The following MECOM variants were observed in gnomAD, a reference collection of about 807,000 sequenced individuals.
MECOM encodes the protein MDS1 and EVI1 complex locus, also known as histone-lysine N-methyltransferase MECOM.
MECOM carries 13 observed loss-of-function variants against 116.3 expected under a neutral mutation model. The ratio of observed to expected loss-of-function variants is 0.11; its 90% CI spans 0.07 to 0.18. MECOM has a LOEUF of 0.18. Among genes scored for constraint, MECOM ranks in the 10% least tolerant of loss-of-function variants. The probability of loss-of-function intolerance (pLI) is 1.00; values close to 1 mark genes in which losing one functional copy is unlikely to be tolerated. For synonymous variants in MECOM, 528 were observed against 535.2 expected, an observed-to-expected ratio of 0.99 and a Z score of 0.19; for missense variants, 1,299 against 1,509.0, an observed-to-expected ratio of 0.86 and a Z score of 2.31.
chr3:169,388,867 C>T (rs769201868), intron 1 of MECOM, among the ~76,000 whole-genome samples: 3 of 152,104 alleles, frequency 2.0e-5, no homozygotes, highest in Non-Finnish European at 4.4e-5. Context: ...CCATGCTATT[C>T]CATGTCTTCC....
At chr3:169,095,894 G>A (rs974393520) in intron 12 of MECOM, among the ~76,000 whole-genome samples, 1 of 151,982 alleles carries the variant, frequency 6.6e-6, no homozygotes, top group Non-Finnish European at 1.5e-5. Flanking sequence ...TGAAAGCAAA[G>A]GGCTTCCATT....
intron 2 of MECOM, among the ~76,000 whole-genome samples, chr3:169,328,454 G>A (rs1722207409): frequency 1.3e-5 from 2 of 152,152 alleles, no homozygotes; most frequent in South Asian, 4.1e-4. Flanking sequence ...TCCAGAGAAA[G>A]TTTGTTTAGT....
At chr3:169,261,812 G>A (rs1012407609) in intron 2 of MECOM, among the ~76,000 whole-genome samples, 4 of 152,220 alleles carry the variant, frequency 2.6e-5, no homozygotes, top group Admixed American at 1.3e-4. Context: ...TACAGTGCCC[G>A]TGGTCCTAAC....
At chr3:169,456,977 A>G (rs894291328) in intron 1 of MECOM, among the ~76,000 whole-genome samples, 14 of 152,192 alleles carry the variant, frequency 9.2e-5, no homozygotes, top group African/African-American at 3.1e-4. Context: ...GGTCAGTGGC[A>G]GGATGTATAA....
chr3:169,255,814 A>C (rs1371741876), intron 2 of MECOM, among the ~76,000 whole-genome samples: 1 of 152,168 alleles, frequency 6.6e-6, no homozygotes, highest in Non-Finnish European at 1.5e-5. Context: ...CACAATTTCC[A>C]CATCTGCTTT....
chr3:169,097,189 G>A (rs892469364), intron 12 of MECOM, among the ~76,000 whole-genome samples: 3 of 151,886 alleles, frequency 2.0e-5, no homozygotes, highest in African/African-American at 4.8e-5. Context: ...GAGGAAGAGA[G>A]ATTATGTTTC....
chr3:169,567,353 C>G (rs1297488189), intron 1 of MECOM, among the ~76,000 whole-genome samples: 1 of 152,222 alleles, frequency 6.6e-6, no homozygotes, highest in Non-Finnish European at 1.5e-5. Context: ...CCATCACCCC[C>G]ACTCTCGTAG....
chr3:169,438,648 G>A (rs535746495), intron 1 of MECOM, among the ~76,000 whole-genome samples: 2 of 152,258 alleles, frequency 1.3e-5, no homozygotes, highest in South Asian at 4.1e-4. Flanking sequence ...TGGAAGTCAC[G>A]TGAATATGCA....
chr3:169,472,632 GAAAAGGAAAGGAAAGGAAAAGAAAAGAA>G (rs1749680025), intron 1 of MECOM, among the ~76,000 whole-genome samples: 1 of 68,796 alleles, frequency 1.5e-5, no homozygotes, highest in African/African-American at 9.3e-5. Context: ...GAAAAGAAAA[GAAAAGGAAAGGAAAGGAAAAGAAAAGAA>G]AGGAAAGGAA....
rs560641187 is a variant in MECOM, at chr3:169,431,710, G to A, written c.38-50186C>T. 7.2e-5 allele frequency among the ~76,000 whole-genome samples: 11 copies of A among 152,246 alleles called. No homozygotes were observed. The South Asian group carries it at 1.9e-3, about 26-fold the overall frequency. ...ACAAATCCTAAAGCCAAATACACAC[G>A]GTTGTGAGATTTTTAGATTCTCCTG... is the stretch of plus-strand genomic sequence containing the variant. On this transcript the variant is annotated intron_variant, in intron 1 of 16. Coordinates refer to ENST00000651503, the MANE Select transcript of MECOM (RefSeq NM_004991.4).
chr3:169,115,352 T>C, intron 8 of MECOM, 31 bp downstream of exon 8: 1 of 1,595,748 alleles, frequency 6.3e-7, no homozygotes, highest in East Asian at 2.2e-5. Flanking sequence ...ATACATCTGC[T>C]CATATTTCGT....
chr3:169,516,499 G>C (rs1397976492), intron 1 of MECOM, among the ~76,000 whole-genome samples: 2 of 151,912 alleles, frequency 1.3e-5, no homozygotes, highest in African/African-American at 4.8e-5. Flanking sequence ...ATAAAAGAAT[G>C]TTCTTTTTTT....
intron 2 of MECOM, among the ~76,000 whole-genome samples, chr3:169,338,875 G>A (rs1217592919): frequency 6.6e-6 from 1 of 152,050 alleles, no homozygotes; most frequent in Non-Finnish European, 1.5e-5. Flanking sequence ...TCGGGAGGAA[G>A]AGAGTGATAG....
chr3:169,510,843 A>G lies in MECOM; in HGVS notation c.38-129319T>C, dbSNP rs76792744. 0.018 allele frequency among the ~76,000 whole-genome samples: 2,780 copies of G among 152,268 alleles called. 250 individuals are homozygous for G. The East Asian group carries it at 0.3, about 16-fold the overall frequency. ...AGAGGGGGGCAAATTTAGAGGGCCA[A>G]CTTGGTGCTACTTATCTTAAATCCC... On this transcript the variant is annotated intron_variant, in intron 1 of 16. Transcript: ENST00000651503.
chr3:169,117,966 C>T (rs1021484809), intron 7 of MECOM, among the ~76,000 whole-genome samples: 1 of 152,000 alleles, frequency 6.6e-6, no homozygotes, highest in Admixed American at 6.6e-5. Flanking sequence ...ACAAGATGTA[C>T]CTTGTTGGTA....
intron 1 of MECOM, among the ~76,000 whole-genome samples, chr3:169,594,178 A>AAAAAAACACCTT (rs1553894686): frequency 1.4e-4 from 20 of 138,572 alleles, no homozygotes; most frequent in African/African-American, 3.1e-4. Flanking sequence ...AAAAAAAAAC[A>AAAAAAACACCTT]CCTTTTCACC....
At chr3:169,094,993 A>G in intron 13 of MECOM, 83 bp downstream of exon 13, 1 of 1,237,074 alleles carries the variant, frequency 8.1e-7, no homozygotes, top group Non-Finnish European at 1.1e-6. Flanking sequence ...ATGGAATAAA[A>G]GAAGAAAGAT....
intron 2 of MECOM, among the ~76,000 whole-genome samples, chr3:169,191,776 AAG>A (rs1747711854): frequency 2.2e-5 from 3 of 139,306 alleles, no homozygotes; most frequent in African/African-American, 5.4e-5. Context: ...GAAAGAAAGA[AAG>A]AAAGAAAGAA....
At chr3:169,231,587 T>C (rs1022144120) in intron 2 of MECOM, among the ~76,000 whole-genome samples, 2 of 152,018 alleles carry the variant, frequency 1.3e-5, no homozygotes, top group African/African-American at 4.8e-5. Flanking sequence ...AAGTCCCTAC[T>C]GAGGAAATGA....
Sources: gnomAD v4.1 joint callset for allele counts (sites outside exome capture counted in the v4.1 genomes callset) on GRCh38, gnomAD v4.1.1 for gene constraint, MANE v1.5 for transcripts, NCBI Gene and HGNC (gene_info 2026-07-23, HGNC 2026-07-21) for gene names.